Variants in NUDCD1 observed in about 807,000 individuals in gnomAD.
NUDCD1 encodes nudC domain-containing protein 1.
NUDCD1 carries 60 observed loss-of-function variants against 67.8 expected under a neutral mutation model. The observed-to-expected ratio is 0.88, with a 90% CI of 0.72 to 1.10. The LOEUF (loss-of-function observed/expected upper bound fraction) is 1.10, where lower values mean the gene tolerates loss of function less well. Among genes scored for constraint, NUDCD1 ranks in the 50% least tolerant of loss-of-function variants. The pLI, the probability that NUDCD1 is intolerant of heterozygous loss-of-function variation, is 0.00. For missense variants in NUDCD1, 643 were observed against 695.0 expected (o/e 0.93, Z 0.84); for synonymous variants, 244 against 230.8 (o/e 1.06, Z -0.52).
At chr8:109,332,020 G>A (rs568454600) in intron 1 of NUDCD1, among the ~76,000 whole-genome samples, 23 of 152,236 alleles carry the variant, frequency 1.5e-4, no homozygotes, top group African/African-American at 5.5e-4. Context: ...TCCCATGAAT[G>A]GAATGACCTC....
intron 4 of NUDCD1, among the ~76,000 whole-genome samples, chr8:109,292,114 A>C (rs1418427599): frequency 6.6e-6 from 1 of 152,090 alleles, no homozygotes; most frequent in Admixed American, 6.6e-5. Context: ...TATATGTCAA[A>C]AAAACATAAA....
intron 2 of NUDCD1, among the ~76,000 whole-genome samples, chr8:109,304,480 G>A (rs1352565119): frequency 6.6e-6 from 1 of 152,116 alleles, no homozygotes; most frequent in African/African-American, 2.4e-5. Flanking sequence ...TGAGGCTACT[G>A]CTCTGCCACC....
chr8:109,312,864 T>G (rs1472522166), intron 2 of NUDCD1, among the ~76,000 whole-genome samples: 69 of 152,096 alleles, frequency 4.5e-4, no homozygotes, highest in Non-Finnish European at 1.3e-4. Flanking sequence ...AAAGCAGCAC[T>G]TCACAGTAAT....
chr8:109,286,828 A>G (rs569966433), intron 5 of NUDCD1, among the ~76,000 whole-genome samples: 73 of 152,292 alleles, frequency 4.8e-4, no homozygotes, highest in African/African-American at 1.7e-3. Flanking sequence ...AACTATGAGT[A>G]AACAAACTAT....
chr8:109,330,214 T>C (rs902175016), intron 1 of NUDCD1, among the ~76,000 whole-genome samples: 3 of 152,212 alleles, frequency 2.0e-5, no homozygotes, highest in South Asian at 2.1e-4. Context: ...TTCTTTGGAA[T>C]AGAAAAAGAC....
intron 2 of NUDCD1, among the ~76,000 whole-genome samples, chr8:109,300,812 G>C (rs1341094153): frequency 6.6e-6 from 1 of 152,186 alleles, no homozygotes; most frequent in Non-Finnish European, 1.5e-5. Context: ...GCTATCTAAA[G>C]TTAAGGTGAA....
chr8:109,271,285 G>A (rs1162446069), intron 7 of NUDCD1, among the ~76,000 whole-genome samples, 155 bp from the exon 8 acceptor site: 1 of 151,980 alleles, frequency 6.6e-6, no homozygotes, highest in Non-Finnish European at 1.5e-5. Flanking sequence ...AGAAATAACA[G>A]AATGATGAAG....
intron 1 of NUDCD1, among the ~76,000 whole-genome samples, chr8:109,327,201 A>C (rs2130147993): frequency 6.6e-6 from 1 of 152,330 alleles, no homozygotes; most frequent in East Asian, 1.9e-4. Flanking sequence ...CAAATTCTAA[A>C]GCGAGACTTA....
At chr8:109,256,569 G>C (rs1353609327) in intron 8 of NUDCD1, among the ~76,000 whole-genome samples, 1 of 152,128 alleles carries the variant, frequency 6.6e-6, no homozygotes, top group African/African-American at 2.4e-5. Context: ...GCCTACTATA[G>C]GGAGAACAGG....
chr8:109,247,066 C>T (rs1298875728), intron 8 of NUDCD1, among the ~76,000 whole-genome samples: 1 of 152,128 alleles, frequency 6.6e-6, no homozygotes, highest in Non-Finnish European at 1.5e-5. Flanking sequence ...ACACAGAGAC[C>T]ACAGACTATT....
chr8:109,323,006 C>G (rs930402370), intron 1 of NUDCD1, among the ~76,000 whole-genome samples: 2 of 152,166 alleles, frequency 1.3e-5, no homozygotes, highest in Admixed American at 6.5e-5. Flanking sequence ...AACAGTATCA[C>G]AGCTGGACTA....
At chr8:109,279,215 GTAT>G (rs1283495030) in intron 6 of NUDCD1, among the ~76,000 whole-genome samples, 1 of 152,166 alleles carries the variant, frequency 6.6e-6, no homozygotes, top group Non-Finnish European at 1.5e-5. Context: ...CAAAGTGATT[GTAT>G]TATTATTTTA....
chr8:109,278,783 C>T (rs1359472687), intron 6 of NUDCD1, among the ~76,000 whole-genome samples: 1 of 152,142 alleles, frequency 6.6e-6, no homozygotes, highest in Non-Finnish European at 1.5e-5. Flanking sequence ...CGTACTTATC[C>T]ATTCACCTTT....
intron 2 of NUDCD1, among the ~76,000 whole-genome samples, chr8:109,317,964 GTATAACA>G (rs1815440149): frequency 6.6e-6 from 1 of 152,110 alleles, no homozygotes; most frequent in African/African-American, 2.4e-5. Context: ...CACCTAAAAA[GTATAACA>G]TATAAGTTAC....
intron 8 of NUDCD1, among the ~76,000 whole-genome samples, chr8:109,262,838 G>A (rs1421825346): frequency 6.6e-6 from 1 of 151,864 alleles, no homozygotes; most frequent in Admixed American, 6.6e-5. Flanking sequence ...GGTGAATAAC[G>A]AGGTCATGAG....
intron 7 of NUDCD1, among the ~76,000 whole-genome samples, chr8:109,272,817 A>C (rs1315547313): frequency 6.6e-6 from 1 of 152,130 alleles, no homozygotes; most frequent in African/African-American, 2.4e-5. Context: ...TCTACTCTAA[A>C]TATCAATGGG....
At chr8:109,312,097 T>C (rs1586301843) in intron 2 of NUDCD1, among the ~76,000 whole-genome samples, 1 of 149,212 alleles carries the variant, frequency 6.7e-6, no homozygotes, top group East Asian at 2.0e-4. Flanking sequence ...GAGGCAGGAG[T>C]TCAAGACCAG....
Position 109,241,826 on chromosome 8 carries a change from G to C in NUDCD1, c.*1183C>G, listed in dbSNP as rs1813373336. The C allele has an allele frequency of 5.6e-6, 2 of 354,246 alleles. No homozygotes were observed. The highest frequency in any genetic ancestry group is 4.2e-5 in the African/African-American group (2 of 47,596). 21.9% of individuals were successfully genotyped at this position (354,246 alleles called of 1,614,324 possible). On this transcript the variant is annotated 3_prime_UTR_variant, in exon 10 of 10. Transcript: ENST00000239690. Reference sequence around the variant, plus strand: ...TATCTTAATCTTCTGCCTCTTAAATGAAGGTCTTAACTTCCTTATTAAAAT... The same window carrying C: ...TATCTTAATCTTCTGCCTCTTAAATCAAGGTCTTAACTTCCTTATTAAAAT...
At chr8:109,333,832 C>G (rs1815878720) in intron 1 of NUDCD1, 61 bp downstream of exon 1, 1 of 1,577,360 alleles carries the variant, frequency 6.3e-7, no homozygotes, top group South Asian at 1.1e-5. Context: ...CGGGAAGGGT[C>G]AGGCCGGAGG....
Sources: allele counts gnomAD v4.1 joint callset (sites outside exome capture counted in the v4.1 genomes callset), GRCh38; gene constraint gnomAD v4.1.1; transcripts MANE v1.5; gene names NCBI Gene and HGNC (gene_info 2026-07-23, HGNC 2026-07-21).